CDK3: variants seen among roughly 807,000 people sequenced by gnomAD.
CDK3 encodes the protein cyclin-dependent kinase 3.
CDK3 carries 24 observed loss-of-function variants against 30.2 expected under a neutral mutation model. That is an observed-to-expected ratio of 0.79 (90% CI 0.57 to 1.12). The LOEUF is 1.12. CDK3 is among the 50% of genes most tolerant of loss of function. The probability of loss-of-function intolerance (pLI) is 0.00; values close to 1 mark genes in which losing one functional copy is unlikely to be tolerated. For synonymous variants in CDK3, 158 were observed against 154.2 expected, an observed-to-expected ratio of 1.02 and a Z score of -0.18; for missense variants, 345 against 376.0, an observed-to-expected ratio of 0.92 and a Z score of 0.68.
At position 76,000,871 on chromosome 17, in the gene CDK3, TGA is replaced by T; in HGVS notation, c.-110_-109del. On this transcript the variant is annotated 5_prime_UTR_variant, in exon 1 of 8. Coordinates refer to ENST00000448471, the MANE Select transcript of CDK3 (RefSeq NM_001258.4). The surrounding 1 kb of genome is among the most constrained non-coding windows in gnomAD (Gnocchi z 5.9). Reference sequence around the variant, plus strand: ...GTGGCTTTAAGACCCTCCTGACCCCTGACCTCTGCCCCCAGTGGCCCTGGCCC... The same window carrying T: ...GTGGCTTTAAGACCCTCCTGACCCCTCCTCTGCCCCCAGTGGCCCTGGCCC... 9.6e-7 allele frequency: 1 copy of T among 1,044,832 alleles called. No homozygotes were observed. Among genetic ancestry groups the T allele is most frequent in the East Asian group, 9.1e-5 (1 of 10,954 alleles). 64.7% of individuals were successfully genotyped at this position (1,044,832 alleles called of 1,614,324 possible).
Position 76,005,053 on chromosome 17 carries a change from C to T in CDK3, c.793-245C>T, listed in dbSNP as rs910816195. 3.9e-5 allele frequency among the ~76,000 whole-genome samples: 6 copies of T among 152,196 alleles called. No individual in the cohort carries two copies. The highest frequency in any genetic ancestry group is 1.4e-4 in the African/African-American group (6 of 41,446). On this transcript the variant is annotated intron_variant, in intron 7 of 7. Transcript: ENST00000448471. The surrounding 1 kb of genome is among the most constrained non-coding windows in gnomAD (Gnocchi z 4.7). The stretch of plus-strand genomic sequence containing the variant: ...TAGAAGCAGGCTGGGACCTGGGACC[C>T]TCCCCGAGAAGGGGGGTGACTCAGC...
Position 76,001,576 on chromosome 17 carries a change from T to C in CDK3, c.116+35T>C, listed in dbSNP as rs1457471037. 5.8e-6 allele frequency: 9 copies of C among 1,564,062 alleles called. No homozygotes were observed. The highest frequency in any genetic ancestry group is 3.4e-5 in the Admixed American group (2 of 59,238). On this transcript the variant is annotated intron_variant, in intron 2 of 7. Coordinates refer to ENST00000448471, the MANE Select transcript of CDK3 (RefSeq NM_001258.4). The surrounding 1 kb of genome is among the most constrained non-coding windows in gnomAD (Gnocchi z 6.2). ...GGGACGGCCCCTGAGTTACCCACCC[T>C]GGGCCATCACAACCTGGGCGCTCCC...
In CDK3 at chr17:76,001,304, G is replaced by A; in HGVS notation, c.-14-108G>A. The A allele has an allele frequency of 6.5e-7, 1 of 1,544,582 alleles. No homozygotes were observed. Among genetic ancestry groups the A allele is most frequent in the East Asian group, 2.4e-5 (1 of 41,476 alleles). On this transcript the variant is annotated intron_variant, in intron 1 of 7. Transcript: ENST00000448471. This position sits in a 1 kb window ranked among gnomAD's most constrained non-coding sequence, Gnocchi z 6.2. Reference sequence around the variant, plus strand: ...GGCTAGGCCGTGGGCCTTGGGAGCTGGGCAGTCTGGGCTGGGCTGGGCTGG... The same window carrying A: ...GGCTAGGCCGTGGGCCTTGGGAGCTAGGCAGTCTGGGCTGGGCTGGGCTGG...
chr17:76,004,929 C>T (rs2066298193), intron 7 of CDK3, among the ~76,000 whole-genome samples: 3 of 152,186 alleles, frequency 2.0e-5, no homozygotes, highest in Admixed American at 2.0e-4. Context: ...CAGGTTTGGC[C>T]TCTTGGAGTG....
Position 76,001,563 on chromosome 17 carries a change from G to T in CDK3, c.116+22G>T, listed in dbSNP as rs1251323538. The T allele has an allele frequency of 5.0e-6, 8 of 1,601,448 alleles. No homozygotes were observed. The highest frequency in any genetic ancestry group is 6.8e-6 in the Non-Finnish European group (8 of 1,169,774). ...ATTTGTGAGTGCTGGGACGGCCCCT[G>T]AGTTACCCACCCTGGGCCATCACAA... is the stretch of plus-strand genomic sequence containing the variant. On this transcript the variant is annotated intron_variant, in intron 2 of 7. Coordinates refer to ENST00000448471, the MANE Select transcript of CDK3 (RefSeq NM_001258.4). The surrounding 1 kb of genome is among the most constrained non-coding windows in gnomAD (Gnocchi z 6.2).
chr17:76,000,982 T>C lies in CDK3; in HGVS notation c.-15+15T>C. On this transcript the variant is annotated intron_variant, in intron 1 of 7. Transcript: ENST00000448471. This position sits in a 1 kb window ranked among gnomAD's most constrained non-coding sequence, Gnocchi z 5.9. ...CAGTGACCCAGGTGGGAAAGGGTGG[T>C]CTTGCCCTCTAAGGCCCGGCACAAG... 1 of 1,074,686 alleles carries C rather than the reference T, an allele frequency of 9.3e-7. No homozygotes were observed. Among genetic ancestry groups the C allele is most frequent in the Non-Finnish European group, 1.1e-6 (1 of 883,046 alleles). The allele number at this position is 1,074,686 out of a possible 1,614,324, so 66.6% of individuals were successfully genotyped here.
In CDK3 at chr17:76,005,337, A is replaced by G; in HGVS notation, c.832A>G (p.Lys278Glu). ...TGACCCCAGCCAGCGGATCACAGCC[A>G]AGACTGCCCTGGCCCACCCGTACTT... ...QYDPSQRITA[K>E]TALAHPYFSS... The change falls in exon 8 of 8, where the codon AAG (lysine) becomes GAG (glutamate). Residue 278 changes from lysine to glutamate, a missense_variant. Physicochemically the swap from Lys to Glu is moderately conservative, Grantham distance 56. Transcript: ENST00000448471. This position sits in a 1 kb window ranked among gnomAD's most constrained non-coding sequence, Gnocchi z 4.7. The G allele has an allele frequency of 6.2e-7, 1 of 1,614,016 alleles. No individual in the cohort carries two copies. The highest frequency in any genetic ancestry group is 1.1e-5 in the South Asian group (1 of 91,078).
chr17:76,002,412 C>A lies in CDK3; in HGVS notation c.480C>A (p.Thr160=). ...TCGGGGTGCCCCTGCGCACCTACAC[C>A]CATGAGGTATTGTGAGACAAAGAGG... ...RAFGVPLRTY[T]HEVVTLWYRA... The change falls in exon 5 of 8, where the codon ACC becomes ACA. Residue 160 remains threonine (T), a synonymous_variant. Transcript: ENST00000448471. This position sits in a 1 kb window ranked among gnomAD's most constrained non-coding sequence, Gnocchi z 4.3. 6.2e-7 allele frequency: 1 copy of A among 1,612,416 alleles called. No individual in the cohort carries two copies. The highest frequency in any genetic ancestry group is 1.7e-5 in the Admixed American group (1 of 59,950).
Sources: allele counts gnomAD v4.1 joint callset (sites outside exome capture counted in the v4.1 genomes callset), GRCh38; gene constraint gnomAD v4.1.1; non-coding constraint Gnocchi (gnomAD v3.1); transcripts MANE v1.5; gene names NCBI Gene and HGNC (gene_info 2026-07-23, HGNC 2026-07-21).